Variants in OR9Q1 observed in about 807,000 individuals in gnomAD.
The protein encoded by OR9Q1 is olfactory receptor 9Q1.
For synonymous variants in OR9Q1, 153 were observed against 148.6 expected, an observed-to-expected ratio of 1.03 and a Z score of -0.22; for missense variants, 374 against 378.8, an observed-to-expected ratio of 0.99 and a Z score of 0.11.
chr11:58,169,638 T>G (rs1461819052), intron 2 of OR9Q1, among the ~76,000 whole-genome samples: 1 of 152,168 alleles, frequency 6.6e-6, no homozygotes, highest in African/African-American at 2.4e-5. Flanking sequence ...TCACTTTCAG[T>G]TTTGAACATA....
chr11:58,075,866 A>G (rs1853534260), intron 2 of OR9Q1, among the ~76,000 whole-genome samples: 1 of 152,228 alleles, frequency 6.6e-6, no homozygotes, highest in Non-Finnish European at 1.5e-5. Context: ...TTTAATAATT[A>G]TGATTACTAA....
At chr11:58,042,689 A>C (rs989772683) in intron 1 of OR9Q1, among the ~76,000 whole-genome samples, 34 of 152,078 alleles carry the variant, frequency 2.2e-4, no homozygotes, top group Non-Finnish European at 7.4e-5. Flanking sequence ...GAAGAAAGTC[A>C]TTGGTAGCTT....
At chr11:58,105,369 A>C (rs2120095638) in intron 2 of OR9Q1, among the ~76,000 whole-genome samples, 1 of 152,192 alleles carries the variant, frequency 6.6e-6, no homozygotes, top group East Asian at 1.9e-4. Flanking sequence ...AAAACTGTAC[A>C]TATTTAATAT....
chr11:58,124,669 T>C (rs1283695867), intron 2 of OR9Q1: 2 of 152,182 alleles, frequency 1.3e-5, no homozygotes, highest in Admixed American at 1.3e-4. Flanking sequence ...GAGAGAAATA[T>C]TTTATTTTAC....
In OR9Q1 at chr11:58,091,683, A is replaced by C. The variant is rs1216873419; in HGVS notation, c.-15+35736A>C. ...GCCCTCTTGGTGCAGAGCTGAGTTC[A>C]AGTCCTAAGTATTCTTGTTAATTTT... On this transcript the variant is annotated intron_variant, in intron 2 of 2. Transcript: ENST00000335397. 2.6e-5 allele frequency among the ~76,000 whole-genome samples: 4 copies of C among 152,174 alleles called. No individual in the cohort carries two copies. The South Asian group carries it at 6.2e-4, about 24-fold the overall frequency.
intron 2 of OR9Q1, chr11:58,125,231 TACC>T (rs1428910650): frequency 2.1e-5 from 1 of 47,540 alleles, no homozygotes; most frequent in African/African-American, 7.8e-5. Flanking sequence ...ATTCCCCCCT[TACC>T]CACCGCCCCC....
chr11:58,024,340 C>T (rs370670917), intron 1 of OR9Q1, among the ~76,000 whole-genome samples: 1 of 149,256 alleles, frequency 6.7e-6, no homozygotes, highest in East Asian at 1.9e-4. Context: ...CTGCTCACCT[C>T]GGTTTGTTGG....
At chr11:58,093,584 C>A (rs996864284) in intron 2 of OR9Q1, among the ~76,000 whole-genome samples, 2 of 151,758 alleles carry the variant, frequency 1.3e-5, no homozygotes, top group Non-Finnish European at 2.9e-5. Flanking sequence ...CACGGTGAAA[C>A]CTTGTCTCTA....
In OR9Q1 at chr11:58,048,799, C is replaced by T. The variant is rs1483429435; in HGVS notation, c.-92-7071C>T. ...ATCCCACAGAAATACAAACTGCCAT[C>T]AGAGAATACTACAAACACCTCTACG... On this transcript the variant is annotated intron_variant, in intron 1 of 2. Coordinates refer to ENST00000335397, the MANE Select transcript of OR9Q1 (RefSeq NM_001005212.4). Among the ~76,000 whole-genome samples the T allele has an allele frequency of 1.6e-5, 2 of 127,862 alleles. 1 individual carries two copies. Among genetic ancestry groups the T allele is most frequent in the Non-Finnish European group, 3.3e-5 (2 of 61,368 alleles). 83.9% of individuals were successfully genotyped at this position (127,862 alleles called of 152,430 possible). A position where few individuals can be genotyped will look rare whatever the true frequency, so the allele number is the denominator to read the frequency against.
chr11:58,129,730 G>T (rs1019154276), intron 2 of OR9Q1, among the ~76,000 whole-genome samples: 1 of 152,240 alleles, frequency 6.6e-6, no homozygotes. Flanking sequence ...ACCTCCAGAA[G>T]TTCCCTTTCT....
At chr11:58,093,531 C>T (rs1853702902) in intron 2 of OR9Q1, among the ~76,000 whole-genome samples, 1 of 151,988 alleles carries the variant, frequency 6.6e-6, no homozygotes. Flanking sequence ...GAGACCGAGG[C>T]AGGCAGATCA....
chr11:58,133,392 G>A (rs1454472194), intron 2 of OR9Q1, among the ~76,000 whole-genome samples: 1 of 152,170 alleles, frequency 6.6e-6, no homozygotes, highest in African/African-American at 2.4e-5. Context: ...CAGAGTCCAG[G>A]CTCTCTGTGC....
chr11:58,098,466 G>T (rs532330132), intron 2 of OR9Q1, among the ~76,000 whole-genome samples: 5 of 150,074 alleles, frequency 3.3e-5, no homozygotes, highest in African/African-American at 1.2e-4. Flanking sequence ...TGGTAGTTAT[G>T]CCTTTTACTA....
chr11:58,120,680 A>T (rs1014045653), intron 2 of OR9Q1, among the ~76,000 whole-genome samples: 1 of 151,476 alleles, frequency 6.6e-6, no homozygotes, highest in African/African-American at 2.4e-5. Flanking sequence ...TGTTGTTGCT[A>T]TTATCATCAA....
chr11:58,053,646 A>G (rs1455598889), intron 1 of OR9Q1, among the ~76,000 whole-genome samples: 7 of 143,600 alleles, frequency 4.9e-5, no homozygotes, highest in African/African-American at 1.5e-4. Flanking sequence ...ATATATATAA[A>G]TTATATATAT....
rs1255638653 is a variant in OR9Q1, at chr11:58,123,264, A to G, written c.-14-56167A>G. Among the ~76,000 whole-genome samples the G allele has an allele frequency of 5.9e-5, 9 of 152,342 alleles. No homozygotes were observed. The South Asian group carries it at 1.5e-3, about 25-fold the overall frequency. ...CCATTTTCCTATATCTTTATAATCTATGGAAACAAAGAAATCTCCCTGCAG... is the reference window on the plus strand; with the variant it reads ...CCATTTTCCTATATCTTTATAATCTGTGGAAACAAAGAAATCTCCCTGCAG... On this transcript the variant is annotated intron_variant, in intron 2 of 2. Coordinates refer to ENST00000335397, the MANE Select transcript of OR9Q1 (RefSeq NM_001005212.4).
At chr11:58,041,821 C>G (rs1387817191) in intron 1 of OR9Q1, among the ~76,000 whole-genome samples, 6 of 152,126 alleles carry the variant, frequency 3.9e-5, no homozygotes, top group Admixed American at 3.9e-4. Context: ...GATGGGCCTT[C>G]CAGATTGTCT....
At chr11:58,034,476 A>T (rs1234249061) in intron 1 of OR9Q1, among the ~76,000 whole-genome samples, 3 of 152,172 alleles carry the variant, frequency 2.0e-5, no homozygotes, top group African/African-American at 7.2e-5. Flanking sequence ...ATAATATTTC[A>T]TGACACACAA....
At chr11:58,054,678 G>A (rs1458496078) in intron 1 of OR9Q1, among the ~76,000 whole-genome samples, 1 of 151,058 alleles carries the variant, frequency 6.6e-6, no homozygotes, top group Non-Finnish European at 1.5e-5. Context: ...TCATGCCTGT[G>A]ATCCCAGGCC....
Sources: gnomAD v4.1 joint callset for allele counts (sites outside exome capture counted in the v4.1 genomes callset) on GRCh38, gnomAD v4.1.1 for gene constraint, MANE v1.5 for transcripts, NCBI Gene and HGNC (gene_info 2026-07-23, HGNC 2026-07-21) for gene names.